Variants in PTPRD observed in about 807,000 individuals in gnomAD.
The protein encoded by PTPRD is protein tyrosine phosphatase receptor type D, also known as receptor-type tyrosine-protein phosphatase delta.
A neutral mutation model predicts 214.5 loss-of-function variants in PTPRD; 34 were observed. The observed-to-expected ratio is 0.16, with a 90% CI of 0.12 to 0.21. The LOEUF is 0.21. Ranked by LOEUF, PTPRD falls within the 10% of genes least tolerant of loss-of-function variation. The probability of loss-of-function intolerance (pLI) is 1.00; values close to 1 mark genes in which losing one functional copy is unlikely to be tolerated. For missense variants in PTPRD, 2,545 were observed against 2,398.7 expected (o/e 1.06, Z -1.27); for synonymous variants, 1,128 against 845.7 (o/e 1.33, Z -5.79).
intron 10 of PTPRD, among the ~76,000 whole-genome samples, chr9:9,038,721 A>AT (rs2099630025): frequency 6.6e-6 from 1 of 151,490 alleles, no homozygotes; most frequent in African/African-American, 2.4e-5. Context: ...CGCCCAGCTA[A>AT]TTTTTTTGTA....
chr9:9,968,822 GAAAGA>G (rs2094894611), intron 4 of PTPRD, among the ~76,000 whole-genome samples: 1 of 152,094 alleles, frequency 6.6e-6, no homozygotes, highest in Non-Finnish European at 1.5e-5. Flanking sequence ...AACGAGAAAG[GAAAGA>G]AAACTTAATG....
intron 25 of PTPRD, among the ~76,000 whole-genome samples, chr9:8,498,777 T>C (rs988071244): frequency 6.6e-6 from 1 of 152,076 alleles, no homozygotes; most frequent in Non-Finnish European, 1.5e-5. Flanking sequence ...AGTACATGAG[T>C]CATGTACAAT....
chr9:9,934,020 T>A (rs2088011402), intron 5 of PTPRD, among the ~76,000 whole-genome samples: 1 of 148,522 alleles, frequency 6.7e-6, no homozygotes, highest in African/African-American at 2.6e-5. Flanking sequence ...AAGATGTTCT[T>A]TGAAACCAAC....
intron 3 of PTPRD, among the ~76,000 whole-genome samples, chr9:10,067,489 G>T (rs188864107): frequency 9.2e-5 from 14 of 151,910 alleles, no homozygotes; most frequent in Admixed American, 2.6e-4. Flanking sequence ...GACACAGAAG[G>T]ATAAAAAGCA....
chr9:8,981,333 T>C (rs2099311607), intron 11 of PTPRD, among the ~76,000 whole-genome samples: 3 of 152,176 alleles, frequency 2.0e-5, no homozygotes, highest in Non-Finnish European at 4.4e-5. Flanking sequence ...ACACACTAAA[T>C]AAAGGATTGT....
At chr9:8,637,809 C>G (rs957404066) in intron 12 of PTPRD, among the ~76,000 whole-genome samples, 15 of 152,078 alleles carry the variant, frequency 9.9e-5, no homozygotes, top group African/African-American at 3.6e-4. Flanking sequence ...GATGGAACAT[C>G]ATACAAGTAG....
intron 2 of PTPRD, among the ~76,000 whole-genome samples, chr9:10,494,592 G>T (rs983989253): frequency 4.7e-5 from 7 of 149,322 alleles, no homozygotes; most frequent in Non-Finnish European, 8.9e-5. Context: ...TGTATGTAAG[G>T]GAAGATTTTA....
chr9:8,493,978 GCA>G (rs1219672728), intron 26 of PTPRD, among the ~76,000 whole-genome samples: 4 of 146,274 alleles, frequency 2.7e-5, no homozygotes, highest in Middle Eastern at 3.5e-3. Context: ...AGACACATGC[GCA>G]CACACACAGA....
At chr9:9,930,647 TATG>T (rs1407765736) in intron 5 of PTPRD, among the ~76,000 whole-genome samples, 2 of 152,150 alleles carry the variant, frequency 1.3e-5, no homozygotes, top group African/African-American at 4.8e-5. Flanking sequence ...AGTTTAAGTA[TATG>T]ATGAAAGATA....
intron 7 of PTPRD, among the ~76,000 whole-genome samples, chr9:9,651,657 G>A (rs543369362): frequency 6.6e-6 from 1 of 151,984 alleles, no homozygotes; most frequent in African/African-American, 2.4e-5. Flanking sequence ...TGGGCATTTA[G>A]CTTGATTCCA....
chr9:9,187,722 G>A (rs1027066313), intron 9 of PTPRD, among the ~76,000 whole-genome samples: 1 of 151,902 alleles, frequency 6.6e-6, no homozygotes, highest in Non-Finnish European at 1.5e-5. Flanking sequence ...CCACATTGCA[G>A]TGAACAATAT....
At chr9:10,151,687 A>G (rs1483879343) in intron 3 of PTPRD, among the ~76,000 whole-genome samples, 2 of 152,124 alleles carry the variant, frequency 1.3e-5, no homozygotes, top group Non-Finnish European at 2.9e-5. Context: ...CACCACCACA[A>G]TCAAGATATT....
intron 8 of PTPRD, among the ~76,000 whole-genome samples, chr9:9,427,137 C>A (rs1588112490): frequency 3.9e-5 from 6 of 152,120 alleles, no homozygotes; most frequent in Admixed American, 3.9e-4. Flanking sequence ...GATGTTTGAA[C>A]CCGTTACAAA....
intron 2 of PTPRD, among the ~76,000 whole-genome samples, chr9:10,374,973 T>C (rs1288392613): frequency 1.3e-5 from 2 of 152,072 alleles, no homozygotes; most frequent in Admixed American, 6.6e-5. Flanking sequence ...TATAATTGTA[T>C]TGAACTATGG....
At chr9:10,580,885 T>C (rs1025326955) in intron 2 of PTPRD, among the ~76,000 whole-genome samples, 2 of 152,154 alleles carry the variant, frequency 1.3e-5, no homozygotes, top group Non-Finnish European at 2.9e-5. Flanking sequence ...TAATATATCA[T>C]AGACTTGCAT....
At chr9:9,135,940 TG>T (rs1459541608) in intron 10 of PTPRD, among the ~76,000 whole-genome samples, 1 of 151,988 alleles carries the variant, frequency 6.6e-6, no homozygotes, top group East Asian at 1.9e-4. Flanking sequence ...ATATTAATGA[TG>T]ACAATAAAAC....
At chr9:9,062,945 T>A (rs1364193937) in intron 10 of PTPRD, among the ~76,000 whole-genome samples, 1 of 152,182 alleles carries the variant, frequency 6.6e-6, no homozygotes, top group African/African-American at 2.4e-5. Flanking sequence ...GTATTTGAAT[T>A]CATCAGAGAA....
chr9:9,865,909 A>G (rs1041416423), intron 5 of PTPRD, among the ~76,000 whole-genome samples: 8 of 152,270 alleles, frequency 5.3e-5, no homozygotes, highest in East Asian at 1.9e-4. Flanking sequence ...ATGGCTTCCA[A>G]TTGTCCACAG....
chr9:8,934,451 T>TATA (rs1567098330), intron 11 of PTPRD, among the ~76,000 whole-genome samples: 2 of 13,698 alleles, frequency 1.5e-4, no homozygotes, highest in Non-Finnish European at 3.0e-4. Context: ...ATATATAAAT[T>TATA]TATATATATA....
Sources: gnomAD v4.1 joint callset for allele counts (sites outside exome capture counted in the v4.1 genomes callset) on GRCh38, gnomAD v4.1.1 for gene constraint, MANE v1.5 for transcripts, NCBI Gene and HGNC (gene_info 2026-07-23, HGNC 2026-07-21) for gene names.